Variants in COL12A1 observed in about 807,000 individuals in gnomAD.
The protein encoded by COL12A1 is collagen alpha-1(XII) chain.
A neutral mutation model predicts 349.7 loss-of-function variants in COL12A1; 114 were observed. The observed-to-expected ratio is 0.33, with a 90% CI of 0.28 to 0.38. The LOEUF (loss-of-function observed/expected upper bound fraction) is 0.38. Ranked by LOEUF, COL12A1 falls within the 10% of genes least tolerant of loss-of-function variation. The probability of loss-of-function intolerance (pLI) is 1.00; values close to 1 mark genes in which losing one functional copy is unlikely to be tolerated. For synonymous variants in COL12A1, 1,369 were observed against 1,329.0 expected, an observed-to-expected ratio of 1.03 and a Z score of -0.66; for missense variants, 3,284 against 3,756.9, an observed-to-expected ratio of 0.87 and a Z score of 3.29.
chr6:75,179,343 A>G (rs1769140233), intron 11 of COL12A1, among the ~76,000 whole-genome samples: 1 of 152,088 alleles, frequency 6.6e-6, no homozygotes, highest in South Asian at 2.1e-4. Context: ...CAGATTTCCC[A>G]TTCCCCTCCC....
chr6:75,134,198 T>C (rs1766464217), intron 32 of COL12A1, among the ~76,000 whole-genome samples: 1 of 152,174 alleles, frequency 6.6e-6, no homozygotes, highest in Non-Finnish European at 1.5e-5. Flanking sequence ...CATTTTGGTC[T>C]TAGAGCACCT....
At position 75,183,452 on chromosome 6, in the gene COL12A1, A is replaced by C. The variant is rs1769434215; in HGVS notation, c.1489T>G (p.Phe497Val). 2.5e-6 allele frequency: 4 copies of C among 1,614,130 alleles called. No homozygotes were observed. The highest frequency in any genetic ancestry group is 3.4e-6 in the Non-Finnish European group (4 of 1,180,030). ...DPHTEFTLKK[F>V]TKVEDIIEAI... ...TCAATTATATCTTCAACTTTGGTGA[A>C]TTTTTTCAAAGTGAACTCAGTATGA... Residue 497 changes from phenylalanine to valine, a missense_variant, in exon 10 of 66, where the codon TTC becomes GTC. This residue lies in a region of COL12A1 where 2,601 missense variants were observed against 2,824.8 expected (regional missense o/e 0.92). Transcript: ENST00000322507.
At chr6:75,135,259 C>A (rs1766534822) in intron 31 of COL12A1, among the ~76,000 whole-genome samples, 1 of 152,128 alleles carries the variant, frequency 6.6e-6, no homozygotes, top group Non-Finnish European at 1.5e-5. Flanking sequence ...ATTATTCTTA[C>A]CTTTTTAACA....
intron 11 of COL12A1, among the ~76,000 whole-genome samples, chr6:75,179,117 A>G (rs1018329250): frequency 5.3e-5 from 8 of 152,234 alleles, no homozygotes; most frequent in African/African-American, 1.9e-4. Context: ...CCCCTGACAC[A>G]TAGCAGGAGC....
In COL12A1 at chr6:75,123,385, G is replaced by A. The variant is rs1189256592; in HGVS notation, c.6891C>T (p.Ala2297=). The change falls in exon 43 of 66, where the codon GCC becomes GCT. Residue 2297 remains alanine (A), a synonymous_variant. Coordinates refer to ENST00000322507, the MANE Select transcript of COL12A1 (RefSeq NM_004370.6). The part of the protein sequence containing the change: ...KEHTTVKPTE[A]PTEPPTPPPP... ...GAGGAGGTGTGGGTGGCTCTGTAGG[G>A]GCTTCTGTTGGTTTCACAGCTAAAA... is the stretch of plus-strand genomic sequence containing the variant. 8.2e-6 allele frequency: 13 copies of A among 1,591,362 alleles called. No homozygotes were observed. The highest frequency in any genetic ancestry group is 1.1e-5 in the Non-Finnish European group (13 of 1,168,894).
rs900259952 is a variant in COL12A1 at position 75,091,478 on chromosome 6, A to T, written c.8685+12T>A. On this transcript the variant is annotated intron_variant, in intron 61 of 65. Coordinates refer to ENST00000322507, the MANE Select transcript of COL12A1 (RefSeq NM_004370.6). ...ACACAAAATAAACGTAAGATTTTTT[A>T]AAAATACATACCCTATCACCTTTTT... 1.2e-6 allele frequency: 2 copies of T among 1,612,984 alleles called. No individual in the cohort carries two copies. The highest frequency in any genetic ancestry group is 2.7e-5 in the African/African-American group (2 of 75,044).
chr6:75,130,768 C>T (rs2149383470), intron 36 of COL12A1, 84 bp downstream of exon 36: 1 of 1,554,008 alleles, frequency 6.4e-7, no homozygotes, highest in East Asian at 2.3e-5. Context: ...CTCTCACCAC[C>T]CCCCTCCCAC....
At chr6:75,087,851 A>AT (rs1767580447) in intron 64 of COL12A1, 104 bp from the exon 65 acceptor site, 5 of 1,181,466 alleles carry the variant, frequency 4.2e-6, no homozygotes, top group Non-Finnish European at 6.0e-6. Context: ...AAAATTAGAC[A>AT]ATTTACTATT....
intron 49 of COL12A1, among the ~76,000 whole-genome samples, 190 bp downstream of exon 49, chr6:75,115,594 G>A (rs1380648013): frequency 6.6e-6 from 1 of 152,126 alleles, no homozygotes; most frequent in Non-Finnish European, 1.5e-5. Flanking sequence ...CTGAGTCTTA[G>A]TCTCCTGTGT....
At chr6:75,116,493 C>A (rs900825863) in intron 47 of COL12A1, among the ~76,000 whole-genome samples, 2 of 152,080 alleles carry the variant, frequency 1.3e-5, no homozygotes, top group African/African-American at 4.8e-5. Context: ...AACAAGTGTG[C>A]AGTAGTTTTT....
At chr6:75,148,148 G>A (rs772994204) in intron 22 of COL12A1, among the ~76,000 whole-genome samples, 39 of 151,966 alleles carry the variant, frequency 2.6e-4, no homozygotes, top group Non-Finnish European at 4.0e-4. Context: ...CTTAGAAACC[G>A]TAAGAATTTA....
chr6:75,186,434 G>C (rs188879676), intron 8 of COL12A1, among the ~76,000 whole-genome samples: 1 of 152,166 alleles, frequency 6.6e-6, no homozygotes, highest in Non-Finnish European at 1.5e-5. Context: ...TCTCACACCA[G>C]TCAGAATGGC....
At position 75,134,696 on chromosome 6, in the gene COL12A1, A is replaced by G. The variant is rs1040012500; in HGVS notation, c.5524+30T>C. On this transcript the variant is annotated intron_variant, in intron 32 of 65. Transcript: ENST00000322507. ...ATTCCATTCTAATAGTAGCTATTAA[A>G]GAAGCTATAGGAACTCAGGTTTCAC... 3 of 1,548,310 alleles carry G rather than the reference A, an allele frequency of 1.9e-6. No individual in the cohort carries two copies. In the Admixed American group the frequency reaches 5.1e-5, roughly 26 times the overall value.
chr6:75,095,594 G>A (rs1370920496), intron 59 of COL12A1, among the ~76,000 whole-genome samples: 3 of 140,250 alleles, frequency 2.1e-5, no homozygotes, highest in Non-Finnish European at 4.5e-5. Flanking sequence ...TCCGCAGTCC[G>A]GCCTGGGCGA....
intron 26 of COL12A1, 82 bp from the exon 27 acceptor site, chr6:75,142,243 G>C: frequency 6.7e-7 from 1 of 1,490,126 alleles, no homozygotes; most frequent in Non-Finnish European, 9.2e-7. Flanking sequence ...GTACCTGTCA[G>C]CGTAAGAATA....
intron 58 of COL12A1, among the ~76,000 whole-genome samples, chr6:75,099,675 C>T (rs1381697784): frequency 6.6e-6 from 1 of 152,214 alleles, no homozygotes; most frequent in Non-Finnish European, 1.5e-5. Flanking sequence ...ATTTCCACTT[C>T]TAACCAAGTG....
chr6:75,129,975 A>G, intron 37 of COL12A1, 116 bp downstream of exon 37: 8 of 1,229,784 alleles, frequency 6.5e-6, no homozygotes, highest in Non-Finnish European at 9.0e-6. Context: ...AGAAAATCCT[A>G]AAGTGTGACT....
At chr6:75,088,683 A>C (rs1767617469) in intron 64 of COL12A1, among the ~76,000 whole-genome samples, 1 of 152,132 alleles carries the variant, frequency 6.6e-6, no homozygotes, top group African/African-American at 2.4e-5. Flanking sequence ...ATGCCATGGT[A>C]ATAAGAATGC....
chr6:75,126,555 C>A, intron 38 of COL12A1, 85 bp from the exon 39 acceptor site: 1 of 1,421,992 alleles, frequency 7.0e-7, no homozygotes, highest in Admixed American at 2.1e-5. Flanking sequence ...GGTAGGAAAG[C>A]CCAATGGGAG....
Sources: allele counts gnomAD v4.1 joint callset (sites outside exome capture counted in the v4.1 genomes callset), GRCh38; gene constraint gnomAD v4.1.1; regional missense constraint gnomAD v4.1.1; transcripts MANE v1.5; gene names NCBI Gene and HGNC (gene_info 2026-07-23, HGNC 2026-07-21).